The following HYCC1 variants were observed in gnomAD, a reference collection of about 807,000 sequenced individuals.
The protein encoded by HYCC1 is hyccin PI4KA lipid kinase complex subunit 1.
chr7:22,976,830 A>G, the HYCC1 span: 3 of 1,405,398 alleles, frequency 2.1e-6, no homozygotes, highest in South Asian at 1.2e-5. Context: ...ACATTTGAAT[A>G]AAGAAAAAAA....
At chr7:22,921,970 C>CA in the HYCC1 span, among the ~76,000 whole-genome samples, 2 of 151,904 alleles carry the variant, frequency 1.3e-5, no homozygotes, top group African/African-American at 4.8e-5. Flanking sequence ...AAGAAAAACT[C>CA]AAAAGCCTAC....
the HYCC1 span, among the ~76,000 whole-genome samples, chr7:22,990,137 A>C: frequency 6.6e-6 from 1 of 152,196 alleles, no homozygotes; most frequent in Admixed American, 6.5e-5. Flanking sequence ...TGTAGTTTTC[A>C]AGACAACAAG....
At chr7:22,907,844 G>A in the HYCC1 span, among the ~76,000 whole-genome samples, 1 of 152,124 alleles carries the variant, frequency 6.6e-6, no homozygotes, top group African/African-American at 2.4e-5. Flanking sequence ...CCCGGGAGGC[G>A]GAAGTTGCAG....
chr7:22,979,535 C>T, the HYCC1 span, among the ~76,000 whole-genome samples: 1 of 152,102 alleles, frequency 6.6e-6, no homozygotes, highest in Non-Finnish European at 1.5e-5. Context: ...ATAGAGGTGG[C>T]TGGAAGAAAG....
the HYCC1 span, among the ~76,000 whole-genome samples, chr7:22,949,631 TTAATC>T: frequency 1.4e-4 from 22 of 152,078 alleles, no homozygotes; most frequent in East Asian, 4.1e-3. Flanking sequence ...ATGAAAGCTG[TTAATC>T]TAAAGTGGTG....
chr7:22,904,576 A>C, the HYCC1 span, among the ~76,000 whole-genome samples: 2 of 152,024 alleles, frequency 1.3e-5, no homozygotes, highest in Non-Finnish European at 2.9e-5. Flanking sequence ...TTAAAGGAAA[A>C]TATTTTATAC....
chr7:22,928,030 T>C, the HYCC1 span, among the ~76,000 whole-genome samples: 1 of 152,124 alleles, frequency 6.6e-6, no homozygotes, highest in African/African-American at 2.4e-5. Flanking sequence ...GCTGGTTCAA[T>C]ATACGAAAAT....
At chr7:23,008,064 A>G in the HYCC1 span, among the ~76,000 whole-genome samples, 1 of 152,114 alleles carries the variant, frequency 6.6e-6, no homozygotes. Flanking sequence ...AGTTCTGATC[A>G]ATGTCCTAAG....
chr7:22,994,730 G>A, the HYCC1 span, among the ~76,000 whole-genome samples: 2 of 152,044 alleles, frequency 1.3e-5, no homozygotes, highest in Admixed American at 6.6e-5. Flanking sequence ...GGGAGTCTAT[G>A]ACATGCCTCC....
At chr7:22,972,831 A>G in the HYCC1 span, among the ~76,000 whole-genome samples, 6 of 152,352 alleles carry the variant, frequency 3.9e-5, no homozygotes, top group African/African-American at 1.4e-4. Flanking sequence ...CAAAGCTTAT[A>G]GTAACTGAAC....
At chr7:22,937,512 T>G in the HYCC1 span, 5 of 152,344 alleles carry the variant, frequency 3.3e-5, no homozygotes, top group East Asian at 9.6e-4. Context: ...AACATTTTTA[T>G]GCAGGCATGC....
the HYCC1 span, among the ~76,000 whole-genome samples, chr7:22,965,449 T>C: frequency 2.0e-5 from 3 of 151,148 alleles, no homozygotes; most frequent in East Asian, 3.9e-4. Flanking sequence ...TTTTTTTTTT[T>C]CAAGAAACTA....
chr7:22,993,432 A>G, the HYCC1 span, among the ~76,000 whole-genome samples: 1 of 152,206 alleles, frequency 6.6e-6, no homozygotes, highest in Non-Finnish European at 1.5e-5. Flanking sequence ...CTACTCACCA[A>G]AAGATACCAC....
At chr7:22,997,281 A>G in the HYCC1 span, among the ~76,000 whole-genome samples, 1 of 152,268 alleles carries the variant, frequency 6.6e-6, no homozygotes, top group Admixed American at 6.5e-5. Context: ...AACTCTAAAA[A>G]TTTCCTTATT....
the HYCC1 span, among the ~76,000 whole-genome samples, chr7:22,981,009 T>G: frequency 4.6e-5 from 7 of 152,328 alleles, no homozygotes; most frequent in East Asian, 1.3e-3. Flanking sequence ...CTCTTGCCCC[T>G]GATTCCACCC....
At chr7:23,000,920 GT>G in the HYCC1 span, among the ~76,000 whole-genome samples, 94,203 of 148,342 alleles carry the variant, frequency 0.64, 29,553 homozygotes, top group Non-Finnish European at 0.66. Context: ...AGTTAAAGAA[GT>G]TTTTTTTTTT....
the HYCC1 span, among the ~76,000 whole-genome samples, chr7:22,913,602 A>G: frequency 3.8e-4 from 58 of 152,330 alleles, no homozygotes; most frequent in Non-Finnish European, 7.2e-4. Context: ...CTCCTGGACA[A>G]TAAGTCTCTG....
the HYCC1 span, chr7:22,943,848 G>A: frequency 6.6e-6 from 1 of 152,486 alleles, no homozygotes; most frequent in Non-Finnish European, 1.5e-5. Flanking sequence ...ACAATTTATG[G>A]CAATAGATCT....
At chr7:22,905,339 G>C in the HYCC1 span, among the ~76,000 whole-genome samples, 1 of 149,138 alleles carries the variant, frequency 6.7e-6, no homozygotes, top group African/African-American at 2.5e-5. Flanking sequence ...CAAGTAGTGA[G>C]TAGCTGGGAT....
Sources: gnomAD v4.1 joint callset for allele counts (sites outside exome capture counted in the v4.1 genomes callset) on GRCh38, gnomAD v4.1.1 for gene constraint, MANE v1.5 for transcripts, NCBI Gene and HGNC (gene_info 2026-07-23, HGNC 2026-07-21) for gene names.